The following PTPRM variants were observed in gnomAD, a reference collection of about 807,000 sequenced individuals.
PTPRM encodes receptor-type tyrosine-protein phosphatase mu.
PTPRM carries 47 observed loss-of-function variants against 186.7 expected under a neutral mutation model. The ratio of observed to expected loss-of-function variants is 0.25; its 90% CI spans 0.20 to 0.32. The LOEUF (loss-of-function observed/expected upper bound fraction) is 0.32. Ranked by LOEUF, PTPRM falls within the 10% of genes least tolerant of loss-of-function variation. The pLI is 1.00. For synonymous variants in PTPRM, 668 were observed against 674.9 expected (o/e 0.99, Z 0.16); for missense variants, 1,494 against 1,865.0 (o/e 0.80, Z 3.66).
At chr18:7,774,121 C>A (rs753603949) in intron 1 of PTPRM, 28 bp from the exon 2 acceptor site, 9 of 1,590,942 alleles carry the variant, frequency 5.7e-6, no homozygotes, top group African/African-American at 1.3e-5. Context: ...TTGGTATTTA[C>A]ATTACTTTTT....
rs79491917 is a variant in PTPRM at position 8,406,348 on chromosome 18, C to T, written c.*186C>T. ...CTGCCCAATCCCAGTAATGCTGCTG[C>T]CTGACAGAAACACACACACAGCCAC... On this transcript the variant is annotated 3_prime_UTR_variant, in exon 33 of 33. Coordinates refer to ENST00000580170, the MANE Select transcript of PTPRM (RefSeq NM_001105244.2). The T allele has an allele frequency of 5.3e-3, 3,137 of 590,966 alleles. 64 individuals carry two copies. Among genetic ancestry groups the T allele is most frequent in the African/African-American group, 0.05 (2,651 of 53,328 alleles). The allele number at this position is 590,966 out of a possible 1,614,324, so 36.6% of individuals were successfully genotyped here.
At chr18:8,036,309 A>G (rs771174937) in intron 7 of PTPRM, among the ~76,000 whole-genome samples, 10 of 152,254 alleles carry the variant, frequency 6.6e-5, no homozygotes, top group Non-Finnish European at 8.8e-5. Context: ...CCCCAAGGCA[A>G]TGCATGCTGA....
rs1479504999 is a variant in PTPRM, at chr18:7,733,084, T to C, written c.74-41065T>C. Among the ~76,000 whole-genome samples, 4 of 152,326 alleles carry C rather than the reference T, an allele frequency of 2.6e-5. No individual in the cohort carries two copies. In the South Asian group the frequency reaches 8.3e-4, roughly 32 times the overall value. On this transcript the variant is annotated intron_variant, in intron 1 of 32. Coordinates refer to ENST00000580170, the MANE Select transcript of PTPRM (RefSeq NM_001105244.2). ...TACAATTTATTTATTTTACTTATTT[T>C]GTATTTTAAGTTCCGGGATACATGT...
rs8091217 is a variant in PTPRM, at chr18:8,392,244, A to C, written c.4209-2232A>C. Among the ~76,000 whole-genome samples, 725 of 152,350 alleles carry C rather than the reference A, an allele frequency of 4.8e-3. 4 individuals carry two copies. The highest frequency in any genetic ancestry group is 0.016 in the African/African-American group (679 of 41,584). ...TGTAAGAAACAATCTGGGAAACTGGAACACTGACTAGAAATTTGATAATTT... is the reference window on the plus strand; with the variant it reads ...TGTAAGAAACAATCTGGGAAACTGGCACACTGACTAGAAATTTGATAATTT... On this transcript the variant is annotated intron_variant, in intron 31 of 32. Transcript: ENST00000580170.
intron 7 of PTPRM, among the ~76,000 whole-genome samples, chr18:8,039,507 A>G (rs1323623025): frequency 1.3e-5 from 2 of 152,174 alleles, no homozygotes; most frequent in Non-Finnish European, 2.9e-5. Context: ...GGTATTTGAT[A>G]CCTGCTAAGT....
intron 1 of PTPRM, among the ~76,000 whole-genome samples, chr18:7,742,659 A>G (rs114797257): frequency 0.017 from 2,635 of 152,220 alleles, 84 homozygotes; most frequent in African/African-American, 0.059. Flanking sequence ...GACAACATGG[A>G]AGAGACCCCA....
intron 7 of PTPRM, among the ~76,000 whole-genome samples, chr18:7,959,387 C>T (rs1599728141): frequency 6.6e-6 from 1 of 152,072 alleles, no homozygotes; most frequent in South Asian, 2.1e-4. Flanking sequence ...TTTATTTTGG[C>T]CAAGCTCTGT....
At chr18:8,247,267 C>T (rs1467313805) in intron 15 of PTPRM, among the ~76,000 whole-genome samples, 4 of 152,046 alleles carry the variant, frequency 2.6e-5, no homozygotes, top group Admixed American at 1.3e-4. Flanking sequence ...AGAGAAGGTG[C>T]AATAATTCAG....
At chr18:7,912,603 C>G (rs1000752426) in intron 4 of PTPRM, among the ~76,000 whole-genome samples, 3 of 152,090 alleles carry the variant, frequency 2.0e-5, no homozygotes, top group Non-Finnish European at 4.4e-5. Context: ...GCTCCGCCTA[C>G]CGGGTTCATG....
chr18:8,086,221 G>A (rs75259925), intron 10 of PTPRM, among the ~76,000 whole-genome samples: 2 of 152,134 alleles, frequency 1.3e-5, no homozygotes, highest in Non-Finnish European at 2.9e-5. Context: ...ATGAACCATC[G>A]GGAGCTCTGC....
At chr18:7,687,519 G>A (rs1037196283) in intron 1 of PTPRM, among the ~76,000 whole-genome samples, 5 of 152,134 alleles carry the variant, frequency 3.3e-5, no homozygotes, top group Admixed American at 2.0e-4. Flanking sequence ...TTAAAAATCC[G>A]CTGCTACCAT....
chr18:8,192,891 A>G (rs1474767734), intron 14 of PTPRM, among the ~76,000 whole-genome samples: 3 of 152,174 alleles, frequency 2.0e-5, no homozygotes, highest in Admixed American at 6.5e-5. Flanking sequence ...AGAAGAATCT[A>G]GTAGTCAACA....
At chr18:7,707,824 G>A (rs1010347909) in intron 1 of PTPRM, among the ~76,000 whole-genome samples, 1 of 152,138 alleles carries the variant, frequency 6.6e-6, no homozygotes, top group African/African-American at 2.4e-5. Context: ...AAAACACTCA[G>A]CCTCCTTGAG....
chr18:8,063,639 T>C (rs936423209), intron 7 of PTPRM, among the ~76,000 whole-genome samples: 9 of 152,182 alleles, frequency 5.9e-5, no homozygotes, highest in African/African-American at 2.2e-4. Flanking sequence ...AACACTTTTA[T>C]TTTTTATGGA....
At position 7,966,931 on chromosome 18, in the gene PTPRM, G is replaced by A. The variant is rs2054143246; in HGVS notation, c.1132+11517G>A. Among the ~76,000 whole-genome samples, 8 of 125,202 alleles carry A rather than the reference G, an allele frequency of 6.4e-5. 1 individual carries two copies. Among genetic ancestry groups the A allele is most frequent in the Admixed American group, 2.5e-4 (3 of 12,226 alleles). 82.1% of individuals were successfully genotyped at this position (125,202 alleles called of 152,430 possible). Reference sequence around the variant, plus strand: ...CTGAGGTAAACAAAGCAGCCTGGAAGCTCGAACTGGGTGGAGCCCACCACA... The same window carrying A: ...CTGAGGTAAACAAAGCAGCCTGGAAACTCGAACTGGGTGGAGCCCACCACA... On this transcript the variant is annotated intron_variant, in intron 7 of 32. Transcript: ENST00000580170.
At chr18:7,635,231 T>C (rs1209971664) in intron 1 of PTPRM, among the ~76,000 whole-genome samples, 1 of 152,204 alleles carries the variant, frequency 6.6e-6, no homozygotes, top group Non-Finnish European at 1.5e-5. Flanking sequence ...AAAATGGACT[T>C]ACATTTATTG....
chr18:7,955,873 G>A (rs2053274015), intron 7 of PTPRM, among the ~76,000 whole-genome samples: 2 of 152,154 alleles, frequency 1.3e-5, no homozygotes, highest in South Asian at 4.1e-4. Context: ...GTGTTTAATG[G>A]AGGGTCTGCT....
intron 14 of PTPRM, among the ~76,000 whole-genome samples, chr18:8,146,506 T>TTTTTTTCTTGTAAATTTG (rs1434087016): frequency 1.3e-5 from 2 of 151,524 alleles, no homozygotes; most frequent in African/African-American, 4.9e-5. Flanking sequence ...GGATTGTTTT[T>TTTTTTTCTTGTAAATTTG]TTTTTCTTGT....
chr18:7,793,383 C>CAATGTCTGA (rs2043442577), intron 2 of PTPRM, among the ~76,000 whole-genome samples: 1 of 152,170 alleles, frequency 6.6e-6, no homozygotes, highest in Non-Finnish European at 1.5e-5. Flanking sequence ...GAGCTTAGGA[C>CAATGTCTGA]AATGTCTGAT....
Sources: allele counts gnomAD v4.1 joint callset (sites outside exome capture counted in the v4.1 genomes callset), GRCh38; gene constraint gnomAD v4.1.1; transcripts MANE v1.5; gene names NCBI Gene and HGNC (gene_info 2026-07-23, HGNC 2026-07-21).